The following KCNAB1 variants were observed in gnomAD, a reference collection of about 807,000 sequenced individuals.
KCNAB1 encodes potassium voltage-gated channel subfamily A regulatory beta subunit 1, also known as voltage-gated potassium channel subunit beta-1.
KCNAB1 carries 35 observed loss-of-function variants against 64.6 expected under a neutral mutation model. That is an observed-to-expected ratio of 0.54 (90% CI 0.41 to 0.72). KCNAB1 has a LOEUF of 0.72. KCNAB1 is among the 30% of genes least tolerant of loss of function. KCNAB1 has a pLI of 0.00. For missense variants in KCNAB1, 401 were observed against 512.9 expected (o/e 0.78, Z 2.11); for synonymous variants, 177 against 183.8 (o/e 0.96, Z 0.30).
chr3:156,277,855 T>A (rs1471721129), intron 1 of KCNAB1, among the ~76,000 whole-genome samples: 2 of 152,190 alleles, frequency 1.3e-5, no homozygotes, highest in Non-Finnish European at 2.9e-5. Flanking sequence ...CTAATTTACA[T>A]TCCCACCAAC....
intron 1 of KCNAB1, among the ~76,000 whole-genome samples, chr3:156,406,504 G>A (rs764014037): frequency 2.3e-4 from 35 of 152,068 alleles, no homozygotes; most frequent in Non-Finnish European, 4.3e-4. Flanking sequence ...TTGGAAAGGG[G>A]GATTTTGGAG....
chr3:156,455,567 T>A (rs549273423), intron 3 of KCNAB1, among the ~76,000 whole-genome samples: 60 of 111,506 alleles, frequency 5.4e-4, no homozygotes, highest in African/African-American at 2.9e-3. Context: ...TTTATTTACA[T>A]TTTTTTATCT....
chr3:156,227,847 G>A (rs932911579), intron 1 of KCNAB1: 43 of 152,354 alleles, frequency 2.8e-4, no homozygotes, highest in African/African-American at 1.0e-3. Flanking sequence ...CTCGTACACA[G>A]CTGTTCTGCT....
chr3:156,216,433 A>G (rs1483192501), intron 1 of KCNAB1, among the ~76,000 whole-genome samples: 1 of 152,230 alleles, frequency 6.6e-6, no homozygotes, highest in Non-Finnish European at 1.5e-5. Context: ...ACATTCCGTC[A>G]TTCTTCAAAT....
chr3:156,390,585 C>CTCTT (rs940875279), intron 1 of KCNAB1, among the ~76,000 whole-genome samples: 1 of 151,066 alleles, frequency 6.6e-6, no homozygotes, highest in African/African-American at 2.5e-5. Flanking sequence ...TCCTTCCTCT[C>CTCTT]TCTTTCTTTC....
intron 1 of KCNAB1, among the ~76,000 whole-genome samples, chr3:156,234,265 G>C (rs888567811): frequency 1.3e-5 from 2 of 152,098 alleles, no homozygotes; most frequent in African/African-American, 4.8e-5. Context: ...TGAAGGAGGA[G>C]AGCATGATCA....
intron 1 of KCNAB1, among the ~76,000 whole-genome samples, chr3:156,277,944 A>G (rs572672832): frequency 6.6e-6 from 1 of 152,300 alleles, no homozygotes; most frequent in African/African-American, 2.4e-5. Context: ...GTGTGAGGTG[A>G]TAGAACATTT....
chr3:156,292,255 T>C (rs1560178454), intron 1 of KCNAB1: 1 of 1,073,224 alleles, frequency 9.3e-7, no homozygotes, highest in East Asian at 2.6e-5. Context: ...TCTCAGGTGG[T>C]TCTAAAATAG....
intron 1 of KCNAB1, among the ~76,000 whole-genome samples, chr3:156,337,383 T>TC (rs1296389394): frequency 6.6e-6 from 1 of 152,128 alleles, no homozygotes; most frequent in Non-Finnish European, 1.5e-5. Flanking sequence ...TGTTCTTTTT[T>TC]CCCCCCACTG....
intron 1 of KCNAB1, among the ~76,000 whole-genome samples, chr3:156,126,377 T>C (rs1486258173): frequency 6.6e-6 from 1 of 152,088 alleles, no homozygotes; most frequent in Non-Finnish European, 1.5e-5. Flanking sequence ...TTGAAGTCTG[T>C]AGTAGAGTCT....
At chr3:156,448,108 A>AAAGC (rs1306427998) in intron 2 of KCNAB1, among the ~76,000 whole-genome samples, 1 of 152,240 alleles carries the variant, frequency 6.6e-6, no homozygotes, top group African/African-American at 2.4e-5. Flanking sequence ...ACAGGTTTTC[A>AAAGC]AAGCAAATAT....
intron 2 of KCNAB1, among the ~76,000 whole-genome samples, chr3:156,450,571 G>A (rs1711916464): frequency 6.6e-6 from 1 of 152,126 alleles, no homozygotes; most frequent in East Asian, 1.9e-4. Context: ...TTGAGGCTCT[G>A]GACACATAAT....
intron 1 of KCNAB1, among the ~76,000 whole-genome samples, chr3:156,257,216 G>A (rs1283155642): frequency 6.6e-6 from 1 of 152,134 alleles, no homozygotes; most frequent in Non-Finnish European, 1.5e-5. Flanking sequence ...CCTAGATTTG[G>A]TTTTGTTTTT....
At chr3:156,312,820 G>GT (rs1316533512) in intron 1 of KCNAB1, among the ~76,000 whole-genome samples, 1 of 151,556 alleles carries the variant, frequency 6.6e-6, no homozygotes, top group Non-Finnish European at 1.5e-5. Context: ...AAAGATGCAG[G>GT]TTGACTGCTC....
At chr3:156,497,222 A>G (rs1248043246) in intron 8 of KCNAB1, among the ~76,000 whole-genome samples, 1 of 152,204 alleles carries the variant, frequency 6.6e-6, no homozygotes, top group Non-Finnish European at 1.5e-5. Flanking sequence ...GCTGAGCTGC[A>G]TGAGTTAAGT....
intron 1 of KCNAB1, among the ~76,000 whole-genome samples, chr3:156,386,416 G>T (rs961642386): frequency 1.3e-5 from 2 of 152,152 alleles, no homozygotes; most frequent in African/African-American, 4.8e-5. Flanking sequence ...GCCCTTGGAA[G>T]GTCGTTCTCT....
At chr3:156,434,398 T>G (rs879839584) in intron 2 of KCNAB1, among the ~76,000 whole-genome samples, 6 of 152,206 alleles carry the variant, frequency 3.9e-5, no homozygotes, top group African/African-American at 7.2e-5. Flanking sequence ...CATCATACTG[T>G]CAGCATATAC....
intron 1 of KCNAB1, among the ~76,000 whole-genome samples, chr3:156,295,524 T>C (rs1217651868): frequency 6.6e-6 from 1 of 152,248 alleles, no homozygotes; most frequent in Admixed American, 6.5e-5. Context: ...CACTATTATA[T>C]TCACACCATC....
chr3:156,310,809 AAAC>A (rs997636939), intron 1 of KCNAB1, among the ~76,000 whole-genome samples: 5 of 152,118 alleles, frequency 3.3e-5, no homozygotes, highest in Admixed American at 6.5e-5. Context: ...TCTGACTCAA[AAAC>A]AACAACAACA....
Sources: allele counts gnomAD v4.1 joint callset (sites outside exome capture counted in the v4.1 genomes callset), GRCh38; gene constraint gnomAD v4.1.1; transcripts MANE v1.5; gene names NCBI Gene and HGNC (gene_info 2026-07-23, HGNC 2026-07-21).